Variants in NRG1 observed in about 807,000 individuals in gnomAD.
NRG1 encodes the protein pro-neuregulin-1, membrane-bound isoform.
NRG1 carries 18 observed loss-of-function variants against 63.8 expected under a neutral mutation model. The observed-to-expected ratio is 0.28, with a 90% CI of 0.19 to 0.42. The LOEUF (loss-of-function observed/expected upper bound fraction) is 0.42. NRG1 is among the 10% of genes least tolerant of loss of function. The probability of loss-of-function intolerance (pLI) is 1.00; values close to 1 mark genes in which losing one functional copy is unlikely to be tolerated. For synonymous variants in NRG1, 302 were observed against 301.3 expected (o/e 1.00, Z -0.02); for missense variants, 762 against 814.7 (o/e 0.94, Z 0.79).
intron 1 of NRG1, among the ~76,000 whole-genome samples, chr8:32,355,087 T>G (rs995857682): frequency 4.6e-5 from 7 of 152,130 alleles, no homozygotes; most frequent in African/African-American, 1.4e-4. Context: ...AAAGAAAAAT[T>G]TATATAGTAA....
intron 1 of NRG1, among the ~76,000 whole-genome samples, chr8:31,956,047 A>AAC (rs1554585279): frequency 6.7e-6 from 1 of 148,844 alleles, no homozygotes; most frequent in African/African-American, 2.6e-5. Context: ...TCTCAAAAAA[A>AAC]AAAAAACAAA....
rs112228510 is a variant in NRG1, at chr8:32,165,140, AT to A, written c.38-430674del. On this transcript the variant is annotated intron_variant, in intron 1 of 10. Transcript: ENST00000519301. ...ATCACACATGTAAGATATTGCCCTT[AT>A]TTTTTTTTTTTTTCAGAGACAGTAT... Among the ~76,000 whole-genome samples the A allele has an allele frequency of 5.7e-3, 812 of 141,556 alleles. 2 individuals are homozygous for A. Among genetic ancestry groups the A allele is most frequent in the African/African-American group, 0.011 (431 of 38,890 alleles). 92.9% of individuals were successfully genotyped at this position (141,556 alleles called of 152,430 possible). A position where few individuals can be genotyped will look rare whatever the true frequency, so the allele number is the denominator to read the frequency against.
At chr8:32,308,327 A>C (rs968185172) in intron 1 of NRG1, among the ~76,000 whole-genome samples, 4 of 152,170 alleles carry the variant, frequency 2.6e-5, no homozygotes, top group African/African-American at 9.7e-5. Context: ...ATGAGCTGCC[A>C]TGTGTTTGCT....
intron 1 of NRG1, among the ~76,000 whole-genome samples, chr8:32,417,656 A>G (rs1182205104): frequency 6.7e-6 from 1 of 148,200 alleles, no homozygotes; most frequent in East Asian, 2.0e-4. Context: ...TATCTTTTCA[A>G]ACTTTCTTTT....
intron 1 of NRG1, among the ~76,000 whole-genome samples, chr8:31,823,884 A>G (rs1328795804): frequency 6.6e-6 from 1 of 152,224 alleles, no homozygotes; most frequent in Non-Finnish European, 1.5e-5. Context: ...TTAAAGACAT[A>G]CAACCTAGAA....
chr8:32,279,617 C>T (rs1352060494), intron 1 of NRG1, among the ~76,000 whole-genome samples: 3 of 152,234 alleles, frequency 2.0e-5, no homozygotes, highest in Admixed American at 2.0e-4. Context: ...TCCGAAAGTG[C>T]TGGGATTACA....
chr8:31,702,625 C>T (rs1435352945), intron 1 of NRG1, among the ~76,000 whole-genome samples: 1 of 151,892 alleles, frequency 6.6e-6, no homozygotes, highest in African/African-American at 2.4e-5. Context: ...CTTAGCAGTG[C>T]CCTCATGAAT....
At chr8:32,590,502 T>A (rs1384510346) in intron 1 of NRG1, among the ~76,000 whole-genome samples, 2 of 152,184 alleles carry the variant, frequency 1.3e-5, no homozygotes, top group African/African-American at 4.8e-5. Flanking sequence ...AACAGACCTT[T>A]TATGCTTAGA....
chr8:31,711,125 C>A (rs1001402904), intron 1 of NRG1, among the ~76,000 whole-genome samples: 1 of 152,088 alleles, frequency 6.6e-6, no homozygotes, highest in Non-Finnish European at 1.5e-5. Context: ...TTCCTAATTT[C>A]TTTTCCCCTC....
intron 1 of NRG1, among the ~76,000 whole-genome samples, chr8:31,714,236 A>G (rs1265442693): frequency 6.6e-6 from 1 of 152,058 alleles, no homozygotes; most frequent in African/African-American, 2.4e-5. Context: ...CTTTTGTGTA[A>G]TACCCAGCAA....
chr8:32,576,074 G>C (rs1370407484), intron 1 of NRG1, among the ~76,000 whole-genome samples: 3 of 152,130 alleles, frequency 2.0e-5, no homozygotes, highest in Admixed American at 2.0e-4. Context: ...ACTGTGGAAT[G>C]GCTAAAGCAA....
At chr8:32,069,870 G>T (rs1334653759) in intron 1 of NRG1, among the ~76,000 whole-genome samples, 1 of 152,168 alleles carries the variant, frequency 6.6e-6, no homozygotes, top group African/African-American at 2.4e-5. Flanking sequence ...TGAGCCTTCT[G>T]TGATGCCTTC....
At chr8:31,876,435 T>C (rs1829928441) in intron 1 of NRG1, among the ~76,000 whole-genome samples, 2 of 152,220 alleles carry the variant, frequency 1.3e-5, no homozygotes, top group Non-Finnish European at 2.9e-5. Flanking sequence ...TCTGATTTAA[T>C]ATCTGTATGT....
At chr8:32,072,588 A>T (rs144004289) in intron 1 of NRG1, among the ~76,000 whole-genome samples, 1 of 152,342 alleles carries the variant, frequency 6.6e-6, no homozygotes, top group Non-Finnish European at 1.5e-5. Flanking sequence ...TTAAATTCAT[A>T]GATAAAAATA....
chr8:31,722,030 C>A (rs568147890), intron 1 of NRG1, among the ~76,000 whole-genome samples: 1 of 152,216 alleles, frequency 6.6e-6, no homozygotes, highest in South Asian at 2.1e-4. Context: ...TCCTTTCCAT[C>A]TTTCTTAATG....
At chr8:31,724,911 C>G (rs1813273640) in intron 1 of NRG1, among the ~76,000 whole-genome samples, 1 of 152,080 alleles carries the variant, frequency 6.6e-6, no homozygotes, top group Non-Finnish European at 1.5e-5. Context: ...CTTTTGTGAA[C>G]CATAGGTCTC....
At chr8:31,921,656 T>A (rs956990783) in intron 1 of NRG1, among the ~76,000 whole-genome samples, 9 of 152,200 alleles carry the variant, frequency 5.9e-5, no homozygotes, top group African/African-American at 2.2e-4. Context: ...AGAACCTCTC[T>A]GAAATCTAAA....
At chr8:32,211,786 G>T (rs1159396976) in intron 1 of NRG1, among the ~76,000 whole-genome samples, 1 of 152,042 alleles carries the variant, frequency 6.6e-6, no homozygotes, top group Non-Finnish European at 1.5e-5. Flanking sequence ...GAATTTTTGT[G>T]TACTTAAATT....
At chr8:32,695,594 A>G (rs1433920537) in intron 5 of NRG1, among the ~76,000 whole-genome samples, 1 of 152,208 alleles carries the variant, frequency 6.6e-6, no homozygotes, top group East Asian at 1.9e-4. Flanking sequence ...TGGATTACAA[A>G]GCAGAATTCT....
Sources: allele counts gnomAD v4.1 joint callset (sites outside exome capture counted in the v4.1 genomes callset), GRCh38; gene constraint gnomAD v4.1.1; transcripts MANE v1.5; gene names NCBI Gene and HGNC (gene_info 2026-07-23, HGNC 2026-07-21).